CAB39: variants seen among roughly 807,000 people sequenced by gnomAD.
CAB39 encodes calcium binding protein 39.
Under a neutral mutation model 40.0 loss-of-function variants are expected in CAB39, and 8 were observed. The observed-to-expected ratio is 0.20, with a 90% confidence interval of 0.12 to 0.36. CAB39 has a LOEUF of 0.36. Among genes scored for constraint, CAB39 ranks in the 10% least tolerant of loss-of-function variants. The pLI is 1.00. For missense variants in CAB39, 270 were observed against 401.1 expected, an observed-to-expected ratio of 0.67 and a Z score of 2.79; for synonymous variants, 156 against 141.6, an observed-to-expected ratio of 1.10 and a Z score of -0.72.
chr2:230,773,850 A>G (rs907470500), intron 2 of CAB39, among the ~76,000 whole-genome samples: 1 of 152,186 alleles, frequency 6.6e-6, no homozygotes, highest in African/African-American at 2.4e-5. Flanking sequence ...ATATTAGGAA[A>G]AACAGTAAGT....
At chr2:230,764,094 C>A (rs369915019) in intron 2 of CAB39, among the ~76,000 whole-genome samples, 1 of 151,580 alleles carries the variant, frequency 6.6e-6, no homozygotes. Context: ...TGTACTCCAG[C>A]GTGGGTGACA....
intron 2 of CAB39, among the ~76,000 whole-genome samples, chr2:230,790,346 CT>C (rs1417994583): frequency 6.6e-6 from 1 of 152,198 alleles, no homozygotes; most frequent in Non-Finnish European, 1.5e-5. Flanking sequence ...AGTAGAAGCT[CT>C]TTAGTGACTT....
intron 1 of CAB39, among the ~76,000 whole-genome samples, chr2:230,748,831 A>AAAAAAAAATATAT (rs1386799920): frequency 3.5e-5 from 1 of 28,508 alleles, no homozygotes; most frequent in South Asian, 1.6e-3. Context: ...AAAAAAAAAA[A>AAAAAAAAATATAT]ATATATATAT....
chr2:230,765,210 C>T (rs1224992366), intron 2 of CAB39, among the ~76,000 whole-genome samples: 3 of 152,114 alleles, frequency 2.0e-5, no homozygotes, highest in Non-Finnish European at 4.4e-5. Context: ...AGGATGGTCT[C>T]GATCTCCTGA....
chr2:230,748,312 G>C (rs926578237), intron 1 of CAB39, among the ~76,000 whole-genome samples: 4 of 152,104 alleles, frequency 2.6e-5, no homozygotes, highest in Non-Finnish European at 5.9e-5. Flanking sequence ...GGGTGGGCAA[G>C]GGAGAGTCAA....
chr2:230,773,314 A>ATATATGTGTGTGTGTG (rs371297550), intron 2 of CAB39, among the ~76,000 whole-genome samples: 35 of 132,632 alleles, frequency 2.6e-4, no homozygotes, highest in African/African-American at 9.9e-4. Context: ...ATATATATAT[A>ATATATGTGTGTGTGTG]TGTGTGTGTG....
At chr2:230,751,433 G>A (rs62193627) in intron 1 of CAB39, among the ~76,000 whole-genome samples, 15,884 of 152,276 alleles carry the variant, frequency 0.1, 1,134 homozygotes, top group Middle Eastern at 0.16. Context: ...GTGAATGAAT[G>A]TTCTGCTGAC....
chr2:230,715,177 C>T (rs573064240), intron 1 of CAB39, among the ~76,000 whole-genome samples: 1 of 152,088 alleles, frequency 6.6e-6, no homozygotes, highest in South Asian at 2.1e-4. Flanking sequence ...TAAATATCTT[C>T]ATATAAAAAA....
At chr2:230,743,447 G>A (rs532824549) in intron 1 of CAB39, among the ~76,000 whole-genome samples, 2 of 152,304 alleles carry the variant, frequency 1.3e-5, no homozygotes, top group Non-Finnish European at 2.9e-5. Flanking sequence ...AGTTTCAAGT[G>A]TGAAGAAAAT....
At position 230,820,487 on chromosome 2, in the gene CAB39, A is replaced by G. The variant is rs1696490416; in HGVS notation, c.*1783A>G. On this transcript the variant is annotated 3_prime_UTR_variant, in exon 9 of 9. Transcript: ENST00000258418. ...GCAATCTAGTCTCCTTGAAAAAAAA[A>G]TCTCTTGGATGTTTAGGAAGGAAGA... 6.6e-6 allele frequency: 1 copy of G among 152,252 alleles called. No individual in the cohort carries two copies. Among genetic ancestry groups the G allele is most frequent in the Non-Finnish European group, 1.5e-5 (1 of 68,046 alleles). 9.4% of individuals were successfully genotyped at this position (152,252 alleles called of 1,614,324 possible).
chr2:230,738,930 T>G (rs572712048), intron 1 of CAB39, among the ~76,000 whole-genome samples: 15 of 152,356 alleles, frequency 9.8e-5, no homozygotes, highest in Admixed American at 3.3e-4. Context: ...AAAAATCATT[T>G]CACCACTCTC....
chr2:230,777,423 G>GT (rs879923497), intron 2 of CAB39, among the ~76,000 whole-genome samples: 459 of 125,992 alleles, frequency 3.6e-3, no homozygotes, highest in East Asian at 9.4e-3. Context: ...TCTCAATTTT[G>GT]TTTTTTTTTT....
intron 2 of CAB39, among the ~76,000 whole-genome samples, chr2:230,777,600 G>T (rs1305651997): frequency 6.6e-6 from 1 of 151,832 alleles, no homozygotes; most frequent in African/African-American, 2.4e-5. Flanking sequence ...TAGAGATGGG[G>T]TTTCACCATG....
intron 2 of CAB39, among the ~76,000 whole-genome samples, chr2:230,769,929 C>T (rs1695454235): frequency 6.6e-6 from 1 of 151,876 alleles, no homozygotes; most frequent in Non-Finnish European, 1.5e-5. Flanking sequence ...TTGACTCCAG[C>T]CTGGCTGACA....
chr2:230,758,255 A>G (rs1015984561), intron 1 of CAB39, among the ~76,000 whole-genome samples: 1 of 146,358 alleles, frequency 6.8e-6, no homozygotes, highest in Non-Finnish European at 1.5e-5. Flanking sequence ...GTGAGCCAAG[A>G]TTGCGCTGCT....
At chr2:230,738,122 T>G (rs1268028235) in intron 1 of CAB39, among the ~76,000 whole-genome samples, 1 of 152,224 alleles carries the variant, frequency 6.6e-6, no homozygotes, top group Non-Finnish European at 1.5e-5. Context: ...CACAACGCAG[T>G]TCAAGAAACG....
At chr2:230,735,313 C>A (rs1694767353) in intron 1 of CAB39, among the ~76,000 whole-genome samples, 1 of 151,754 alleles carries the variant, frequency 6.6e-6, no homozygotes, top group East Asian at 1.9e-4. Flanking sequence ...ATTACAGGCA[C>A]TTGCCACCAC....
chr2:230,766,575 A>G (rs917474351), intron 2 of CAB39, among the ~76,000 whole-genome samples: 1 of 152,142 alleles, frequency 6.6e-6, no homozygotes, highest in Admixed American at 6.5e-5. Context: ...TCACTCTATC[A>G]CTTAGGCTGG....
chr2:230,789,478 C>T (rs1575948506), intron 2 of CAB39, among the ~76,000 whole-genome samples: 1 of 152,220 alleles, frequency 6.6e-6, no homozygotes, highest in East Asian at 1.9e-4. Flanking sequence ...CAGAGTTTGG[C>T]CTAGGATTAA....
Sources: allele counts gnomAD v4.1 joint callset (sites outside exome capture counted in the v4.1 genomes callset), GRCh38; gene constraint gnomAD v4.1.1; transcripts MANE v1.5; gene names NCBI Gene and HGNC (gene_info 2026-07-23, HGNC 2026-07-21).